The following MLLT3 variants were observed in gnomAD, a reference collection of about 807,000 sequenced individuals.
MLLT3 encodes the protein MLLT3 super elongation complex subunit, also known as protein AF-9.
A neutral mutation model predicts 53.2 loss-of-function variants in MLLT3; 4 were observed. The observed-to-expected ratio is 0.08, with a 90% CI of 0.04 to 0.17. MLLT3 has a LOEUF of 0.17. MLLT3 is among the 10% of genes least tolerant of loss of function. The pLI, the probability that MLLT3 is intolerant of heterozygous loss-of-function variation, is 1.00. For synonymous variants in MLLT3, 283 were observed against 230.6 expected (o/e 1.23, Z -2.06); for missense variants, 569 against 684.0 (o/e 0.83, Z 1.87).
chr9:20,541,303 T>C (rs988251279), intron 2 of MLLT3, among the ~76,000 whole-genome samples: 40 of 152,218 alleles, frequency 2.6e-4, no homozygotes, highest in African/African-American at 8.7e-4. Context: ...GTTCCAAAGT[T>C]ACTTCCACAT....
chr9:20,564,450 G>A (rs1237946792), intron 2 of MLLT3, among the ~76,000 whole-genome samples: 11 of 152,128 alleles, frequency 7.2e-5, no homozygotes, highest in Non-Finnish European at 1.5e-5. Context: ...AGGATCAGAT[G>A]AGCAAGCCTC....
At chr9:20,595,600 A>T (rs2131191215) in intron 2 of MLLT3, among the ~76,000 whole-genome samples, 1 of 152,288 alleles carries the variant, frequency 6.6e-6, no homozygotes, top group South Asian at 2.1e-4. Flanking sequence ...GAAAATCACC[A>T]ATTTGCAACC....
chr9:20,561,007 A>G (rs1266653614), intron 2 of MLLT3, among the ~76,000 whole-genome samples: 1 of 152,204 alleles, frequency 6.6e-6, no homozygotes, highest in Non-Finnish European at 1.5e-5. Context: ...GACAGTTTAG[A>G]TAATTTAGGT....
intron 5 of MLLT3, among the ~76,000 whole-genome samples, chr9:20,370,751 T>C (rs1387300502): frequency 2.0e-5 from 3 of 152,122 alleles, no homozygotes; most frequent in African/African-American, 7.2e-5. Context: ...CCTCAGGTGA[T>C]CCACCTGCCT....
chr9:20,451,799 A>G (rs1823846050), intron 3 of MLLT3, among the ~76,000 whole-genome samples: 1 of 152,222 alleles, frequency 6.6e-6, no homozygotes, highest in Non-Finnish European at 1.5e-5. Context: ...CTTTTCTGAG[A>G]TCAGACTGAA....
At position 20,615,360 on chromosome 9, in the gene MLLT3, G is replaced by GAA. The variant is rs10601830; in HGVS notation, c.193+5292_193+5293dup. On this transcript the variant is annotated intron_variant, in intron 2 of 10. Coordinates refer to ENST00000380338, the MANE Select transcript of MLLT3 (RefSeq NM_004529.4). ...CCTGGGTGACAGGGCCAGACCATGT[G>GAA]AAAAAAAAAAAAAAAAAAAAAAAAA... 3.3e-3 allele frequency among the ~76,000 whole-genome samples: 161 copies of GAA among 48,768 alleles called. 11 individuals carry two copies. The highest frequency in any genetic ancestry group is 7.4e-3 in the East Asian group (9 of 1,216). The allele number at this position is 48,768 out of a possible 152,430, so 32.0% of individuals were successfully genotyped here.
chr9:20,454,908 T>C (rs80074146), intron 3 of MLLT3, among the ~76,000 whole-genome samples: 4,790 of 152,104 alleles, frequency 0.031, 188 homozygotes, highest in East Asian at 0.16. Context: ...AACGAGCACA[T>C]GAAAAGATGT....
rs1194361014 is a variant in MLLT3, at chr9:20,420,602, T to C, written c.421-6177A>G. Among the ~76,000 whole-genome samples the C allele has an allele frequency of 2.6e-5, 4 of 152,334 alleles. No individual in the cohort carries two copies. The South Asian group carries it at 6.2e-4, about 24-fold the overall frequency. On this transcript the variant is annotated intron_variant, in intron 4 of 10. Coordinates refer to ENST00000380338, the MANE Select transcript of MLLT3 (RefSeq NM_004529.4). The stretch of plus-strand genomic sequence containing the variant: ...GAAATCAATATATCTTTGTCATAAA[T>C]TGACAGACCTCATAAAACACAATGA...
intron 2 of MLLT3, among the ~76,000 whole-genome samples, chr9:20,544,285 C>A (rs1818725758): frequency 6.6e-6 from 1 of 152,096 alleles, no homozygotes; most frequent in South Asian, 2.1e-4. Flanking sequence ...AAAGTATAGG[C>A]AACGAAGCAA....
chr9:20,464,632 G>T (rs1197019268), intron 2 of MLLT3, among the ~76,000 whole-genome samples: 1 of 152,026 alleles, frequency 6.6e-6, no homozygotes, highest in Non-Finnish European at 1.5e-5. Context: ...TTAAGGAAGT[G>T]GCATTTAAGT....
chr9:20,485,986 TGATAA>T (rs1378223933), intron 2 of MLLT3, among the ~76,000 whole-genome samples: 2 of 152,186 alleles, frequency 1.3e-5, no homozygotes, highest in Non-Finnish European at 2.9e-5. Flanking sequence ...GTCTAAATAG[TGATAA>T]AATAATAAGA....
chr9:20,590,281 A>T (rs1294406918), intron 2 of MLLT3, among the ~76,000 whole-genome samples: 1 of 152,160 alleles, frequency 6.6e-6, no homozygotes, highest in East Asian at 1.9e-4. Context: ...TGAGTTCATG[A>T]GTCCCCTTTA....
intron 3 of MLLT3, 128 bp downstream of exon 3, chr9:20,456,576 A>G (rs1823976210): frequency 4.5e-6 from 3 of 671,150 alleles, no homozygotes; most frequent in Non-Finnish European, 7.6e-6. Context: ...AAATTCCTAG[A>G]AGACAAATTT....
chr9:20,587,942 C>G (rs1312457446), intron 2 of MLLT3, among the ~76,000 whole-genome samples: 11 of 151,668 alleles, frequency 7.3e-5, no homozygotes, highest in African/African-American at 2.7e-4. Flanking sequence ...ATGGTAATGC[C>G]TAGGTTTTCT....
At chr9:20,611,224 A>G (rs550362573) in intron 2 of MLLT3, among the ~76,000 whole-genome samples, 101 of 152,214 alleles carry the variant, frequency 6.6e-4, no homozygotes, top group African/African-American at 2.3e-3. Context: ...TTCTATCCCC[A>G]GTACCATCCT....
At chr9:20,425,850 A>G (rs574611971) in intron 4 of MLLT3, among the ~76,000 whole-genome samples, 73 of 152,152 alleles carry the variant, frequency 4.8e-4, no homozygotes, top group African/African-American at 1.7e-3. Flanking sequence ...TTTTGTTCTA[A>G]AGAATTTAAG....
intron 2 of MLLT3, among the ~76,000 whole-genome samples, chr9:20,563,281 T>A (rs1244765107): frequency 1.6e-5 from 2 of 128,590 alleles, no homozygotes; most frequent in East Asian, 4.7e-4. Flanking sequence ...TCTGATCTGC[T>A]AATATCTAAA....
Position 20,346,223 on chromosome 9 carries a change from G to A in MLLT3, c.*220C>T, listed in dbSNP as rs542807953. The A allele has an allele frequency of 1.4e-4, 59 of 433,514 alleles. No homozygotes were observed. Among genetic ancestry groups the A allele is most frequent in the Middle Eastern group, 1.3e-3 (2 of 1,534 alleles). 26.9% of individuals were successfully genotyped at this position (433,514 alleles called of 1,614,324 possible). ...ATTTCCTTGGAGAGAAGAGTGGTCC[G>A]CTGAGGCTGGTTTGCTTTAACCTCT... On this transcript the variant is annotated 3_prime_UTR_variant, in exon 11 of 11. Transcript: ENST00000380338.
chr9:20,616,568 C>T (rs1820838769), intron 2 of MLLT3, among the ~76,000 whole-genome samples: 1 of 152,088 alleles, frequency 6.6e-6, no homozygotes. Context: ...GAGTTTGATG[C>T]CCGCTAATGC....
Sources: allele counts gnomAD v4.1 joint callset (sites outside exome capture counted in the v4.1 genomes callset), GRCh38; gene constraint gnomAD v4.1.1; transcripts MANE v1.5; gene names NCBI Gene and HGNC (gene_info 2026-07-23, HGNC 2026-07-21).